MYH7B: variants seen among roughly 807,000 people sequenced by gnomAD.
MYH7B encodes myosin-7B.
In MYH7B, 205 loss-of-function variants were observed where a neutral mutation model predicts 234.5. That is an observed-to-expected ratio of 0.87 (90% CI 0.78 to 0.98). MYH7B has a LOEUF of 0.98. Among genes scored for constraint, MYH7B ranks in the 50% least tolerant of loss-of-function variants. MYH7B has a pLI of 0.00. For missense variants in MYH7B, 2,652 were observed against 2,633.4 expected (o/e 1.01, Z -0.15); for synonymous variants, 1,193 against 1,105.0 (o/e 1.08, Z -1.58).
chr20:34,999,732 C>CT, intron 37 of MYH7B, 37 bp downstream of exon 37: 1 of 1,609,130 alleles, frequency 6.2e-7, no homozygotes, highest in Non-Finnish European at 8.5e-7. Flanking sequence ...GGACACTGAC[C>CT]TGCTGCTCCA....
Position 34,997,497 on chromosome 20 carries a change from A to C in MYH7B, c.3604A>C (p.Lys1202Gln), listed in dbSNP as rs747589014. The C allele has an allele frequency of 2.5e-6, 4 of 1,570,996 alleles. No individual in the cohort carries two copies. Among genetic ancestry groups the C allele is most frequent in the Middle Eastern group, 1.7e-4 (1 of 5,812 alleles). ...GGCCACAGTGGCGGCACTGCGGCGC[A>C]AGCAGGCGGAGGGCGCGGCGGAGCT... Residue 1202 changes from lysine (K) to glutamine (Q), a missense_variant, in exon 32 of 45, where the codon AAG becomes CAG. Lys to Gln is a moderately conservative substitution (Grantham distance 53, BLOSUM62 1). Transcript: ENST00000262873.
chr20:34,981,314 C>G (rs577689036), intron 9 of MYH7B: 1 of 456,376 alleles, frequency 2.2e-6, no homozygotes, highest in Non-Finnish European at 3.9e-6. Flanking sequence ...CACACCTCCT[C>G]TCCCCGGGGC....
chr20:34,994,529 A>ATGAGG, intron 27 of MYH7B, 128 bp downstream of exon 27: 2 of 1,179,572 alleles, frequency 1.7e-6, no homozygotes, highest in Non-Finnish European at 2.3e-6. Context: ...ATGCCATGAG[A>ATGAGG]TGAGGCCTCC....
chr20:34,998,734 G>A (rs987609045), exon 35 of MYH7B: 1 of 1,611,712 alleles, frequency 6.2e-7, no homozygotes, highest in Admixed American at 1.7e-5. Flanking sequence ...GAGTGCCCTG[G>A]CCCACGCCGT....
chr20:34,997,165 G>A, exon 31 of MYH7B: 2 of 1,549,994 alleles, frequency 1.3e-6, no homozygotes, highest in Non-Finnish European at 1.7e-6. Context: ...GAAGATCAAG[G>A]AGCTGCAGGT....
exon 32 of MYH7B, chr20:34,997,488 C>A (rs1360732256): frequency 3.2e-6 from 5 of 1,555,844 alleles, no homozygotes; most frequent in Non-Finnish European, 4.3e-6. Context: ...AGTGGCGGCA[C>A]TGCGGCGCAA....
At chr20:34,995,312 G>A (rs779028278) in intron 27 of MYH7B, 24 bp from the exon 28 acceptor site, 17 of 1,605,636 alleles carry the variant, frequency 1.1e-5, no homozygotes, top group Middle Eastern at 2.1e-4. Flanking sequence ...CCCCCAACCT[G>A]GCCCCGTTCC....
At chr20:34,996,033 G>A (rs906484535) in intron 28 of MYH7B, among the ~76,000 whole-genome samples, 1 of 152,200 alleles carries the variant, frequency 6.6e-6, no homozygotes, top group Non-Finnish European at 1.5e-5. Context: ...GTTCTCACAG[G>A]TGCTCACTGA....
At chr20:34,979,578 G>A (rs2081908797) in intron 6 of MYH7B, 82 bp downstream of exon 6, 2 of 1,603,590 alleles carry the variant, frequency 1.2e-6, no homozygotes, top group Non-Finnish European at 1.7e-6. Context: ...GTTGAAGGGG[G>A]TCTGGGTATG....
chr20:34,980,201 T>G, intron 7 of MYH7B: 1 of 330,710 alleles, frequency 3.0e-6, no homozygotes, highest in Non-Finnish European at 5.7e-6. Context: ...AGGGTTCTTC[T>G]GAAGACTGGG....
At chr20:34,985,125 C>T (rs2147188773) in exon 13 of MYH7B, 1 of 1,614,068 alleles carries the variant, frequency 6.2e-7, no homozygotes, top group Non-Finnish European at 8.5e-7. Context: ...CGGATATTGA[C>T]AGCTGTGAGT....
At position 35,001,176 on chromosome 20, in the gene MYH7B, A is replaced by C. The variant is rs753535316; in HGVS notation, c.5475+18A>C. The C allele has an allele frequency of 2.8e-5, 45 of 1,610,618 alleles. No homozygotes were observed. Among genetic ancestry groups the C allele is most frequent in the Non-Finnish European group, 3.7e-5 (44 of 1,177,760 alleles). On this transcript the variant is annotated intron_variant, in intron 41 of 44. Transcript: ENST00000262873. ...AGGCCAAGGTGTGTGCAGCCCCTCT[A>C]GTCCTTGGCGCAGGCAGGGTGGGTG...
chr20:34,959,292 T>C (rs1417825693), intron 2 of MYH7B, among the ~76,000 whole-genome samples: 1 of 152,064 alleles, frequency 6.6e-6, no homozygotes, highest in Admixed American at 6.5e-5. Context: ...CTTTGCTGGA[T>C]CCTCACTCCC....
At chr20:34,979,424 C>G in exon 6 of MYH7B, 1 of 1,613,864 alleles carries the variant, frequency 6.2e-7, no homozygotes, top group Non-Finnish European at 8.5e-7. Context: ...ATGAACAGGA[C>G]GCCTACGTGG....
chr20:34,994,640 C>G (rs2082219460), intron 27 of MYH7B, among the ~76,000 whole-genome samples: 1 of 152,208 alleles, frequency 6.6e-6, no homozygotes, highest in Non-Finnish European at 1.5e-5. Flanking sequence ...AACCCCAGCT[C>G]CCCAGCTCTC....
At chr20:34,982,707 G>A (rs889200730) in intron 10 of MYH7B, 152 bp downstream of exon 10, 11 of 680,686 alleles carry the variant, frequency 1.6e-5, no homozygotes, top group Non-Finnish European at 2.1e-5. Flanking sequence ...GGGGGACTCT[G>A]GCCTGAGCAA....
rs202055718 is a variant in MYH7B at position 34,995,499 on chromosome 20, C to T, written c.2864C>T (p.Thr955Met). The T allele has an allele frequency of 9.2e-5, 149 of 1,614,132 alleles. No homozygotes were observed. The highest frequency in any genetic ancestry group is 2.7e-4 in the Admixed American group (16 of 60,030). Residue 955 changes from threonine to methionine, a missense_variant, in exon 28 of 45, where the codon ACG becomes ATG. Transcript: ENST00000262873. ...CGGCGCAAGCTGGAGGACGAGTGCA[C>T]GGAGCTCAAGAAGGACATTGATGAC... is the stretch of plus-strand genomic sequence containing the variant.
In MYH7B at chr20:34,996,286, G is replaced by A. The variant is rs540141786; in HGVS notation, c.2944-60G>A. 7.8e-6 allele frequency: 12 copies of A among 1,532,544 alleles called. No individual in the cohort carries two copies. The South Asian group carries it at 1.4e-4, about 18-fold the overall frequency. 94.9% of individuals were successfully genotyped at this position (1,532,544 alleles called of 1,614,324 possible). On this transcript the variant is annotated intron_variant, in intron 28 of 44. Coordinates refer to ENST00000262873, the Ensembl canonical transcript of MYH7B. ...GGCACTTGCTCTGACCTGGTGTGGT[G>A]TGGTGGCCGCTCAGAGTGCGGGGAA...
chr20:34,980,911 C>T (rs2081932820), intron 8 of MYH7B, 122 bp from the exon 9 acceptor site: 1 of 1,511,426 alleles, frequency 6.6e-7, no homozygotes, highest in Non-Finnish European at 9.2e-7. Context: ...ACAGCCCCAC[C>T]TGCTCCTTCC....
Sources: gnomAD v4.1 joint callset for allele counts (sites outside exome capture counted in the v4.1 genomes callset) on GRCh38, gnomAD v4.1.1 for gene constraint, MANE v1.5 for transcripts, NCBI Gene and HGNC (gene_info 2026-07-23, HGNC 2026-07-21) for gene names.